The following ILRUN variants were observed in gnomAD, a reference collection of about 807,000 sequenced individuals.
ILRUN encodes inflammation and lipid regulator with UBA-like and NBR1-like domains.
ILRUN carries 3 observed loss-of-function variants against 33.8 expected under a neutral mutation model. That is an observed-to-expected ratio of 0.09 (90% CI 0.04 to 0.23). ILRUN has a LOEUF of 0.23. Ranked by LOEUF, ILRUN falls within the 10% of genes least tolerant of loss-of-function variation. The pLI is 1.00. For synonymous variants in ILRUN, 124 were observed against 138.9 expected, an observed-to-expected ratio of 0.89 and a Z score of 0.75; for missense variants, 210 against 375.1, an observed-to-expected ratio of 0.56 and a Z score of 3.64.
chr6:34,629,436 G>A (rs1468556899), intron 3 of ILRUN, among the ~76,000 whole-genome samples: 5 of 152,238 alleles, frequency 3.3e-5, no homozygotes, highest in African/African-American at 1.2e-4. Flanking sequence ...CCAAAGTGCT[G>A]GGATTATAGG....
chr6:34,607,760 T>C (rs932635097), intron 3 of ILRUN, among the ~76,000 whole-genome samples: 2 of 152,312 alleles, frequency 1.3e-5, no homozygotes, highest in South Asian at 2.1e-4. Flanking sequence ...TATTGAATAC[T>C]GTAGGCAACT....
At position 34,615,150 on chromosome 6, in the gene ILRUN, A is replaced by T. The variant is rs551044041; in HGVS notation, c.512-8246T>A. 7.9e-4 allele frequency among the ~76,000 whole-genome samples: 120 copies of T among 152,372 alleles called. No homozygotes were observed. The Middle Eastern group carries it at 0.01, about 13-fold the overall frequency. ...CAATGTTGATGTCTTTAACAAGTGT[A>T]CTATGATAATGTAAGGTGATAACAA... On this transcript the variant is annotated intron_variant, in intron 3 of 4. Transcript: ENST00000374023.
chr6:34,593,788 C>A (rs991729032), intron 4 of ILRUN, among the ~76,000 whole-genome samples: 1 of 152,120 alleles, frequency 6.6e-6, no homozygotes, highest in African/African-American at 2.4e-5. Context: ...AGCTATTTTA[C>A]GATCTAGACT....
chr6:34,628,731 T>C (rs993083921), intron 3 of ILRUN, among the ~76,000 whole-genome samples: 6 of 152,140 alleles, frequency 3.9e-5, no homozygotes, highest in African/African-American at 1.4e-4. Flanking sequence ...TCCTGTAATC[T>C]TTGTCTGGTT....
intron 3 of ILRUN, 57 bp from the exon 4 acceptor site, chr6:34,606,961 A>G: frequency 7.6e-7 from 1 of 1,324,204 alleles, no homozygotes; most frequent in Non-Finnish European, 1.0e-6. Context: ...GGCCCAAGAT[A>G]GCCACCACCA....
intron 2 of ILRUN, among the ~76,000 whole-genome samples, chr6:34,648,916 G>C (rs1413701278): frequency 2.0e-5 from 3 of 152,178 alleles, no homozygotes; most frequent in Non-Finnish European, 4.4e-5. Flanking sequence ...AAAAGACTTA[G>C]CTCTCCTAGG....
intron 3 of ILRUN, among the ~76,000 whole-genome samples, chr6:34,630,299 G>A (rs987239498): frequency 3.9e-5 from 6 of 152,216 alleles, no homozygotes; most frequent in African/African-American, 1.4e-4. Context: ...TTCAGACTGT[G>A]TTTGACTATG....
intron 1 of ILRUN, among the ~76,000 whole-genome samples, chr6:34,659,247 A>G (rs1762839738): frequency 6.6e-6 from 1 of 152,232 alleles, no homozygotes; most frequent in Non-Finnish European, 1.5e-5. Context: ...TCAACTGCAC[A>G]GACAATGAAG....
chr6:34,651,014 C>T (rs1231896685), intron 2 of ILRUN, among the ~76,000 whole-genome samples: 1 of 152,158 alleles, frequency 6.6e-6, no homozygotes, highest in Non-Finnish European at 1.5e-5. Context: ...CATGTTACTA[C>T]TCTATTTACA....
intron 1 of ILRUN, among the ~76,000 whole-genome samples, chr6:34,665,727 C>T (rs1762981520): frequency 6.6e-6 from 1 of 152,014 alleles, no homozygotes; most frequent in African/African-American, 2.4e-5. Flanking sequence ...CCACGCCCAG[C>T]CTTCATTTAT....
At chr6:34,593,251 A>G (rs890575261) in intron 4 of ILRUN, among the ~76,000 whole-genome samples, 1 of 152,174 alleles carries the variant, frequency 6.6e-6, no homozygotes, top group African/African-American at 2.4e-5. Context: ...GAAAACTCAA[A>G]AAACAAACAG....
chr6:34,644,711 T>G (rs529429099), intron 3 of ILRUN, among the ~76,000 whole-genome samples: 13 of 152,056 alleles, frequency 8.5e-5, no homozygotes, highest in African/African-American at 3.1e-4. Context: ...AGCATGTGCA[T>G]GATATTAATG....
chr6:34,639,131 T>C (rs1219050318), intron 3 of ILRUN, among the ~76,000 whole-genome samples: 1 of 152,326 alleles, frequency 6.6e-6, no homozygotes, highest in South Asian at 2.1e-4. Flanking sequence ...GTAGTTTACA[T>C]AGAGCACCCA....
chr6:34,675,520 T>C (rs1418587433), intron 1 of ILRUN, among the ~76,000 whole-genome samples: 1 of 152,022 alleles, frequency 6.6e-6, no homozygotes. Flanking sequence ...CAGAAGTGAA[T>C]TTTATATAAC....
chr6:34,650,877 T>C (rs1413950385), intron 2 of ILRUN, among the ~76,000 whole-genome samples: 4 of 152,150 alleles, frequency 2.6e-5, no homozygotes, highest in Admixed American at 1.3e-4. Flanking sequence ...GCCTAAAACA[T>C]GACAAGACAG....
Position 34,658,490 on chromosome 6 carries a change from C to CTTTT in ILRUN, c.159-3715_159-3712dup, listed in dbSNP as rs71538252. Among the ~76,000 whole-genome samples, 173 of 130,866 alleles carry CTTTT rather than the reference C, an allele frequency of 1.3e-3. 4 individuals are homozygous for CTTTT. The highest frequency in any genetic ancestry group is 1.3e-3 in the Admixed American group (17 of 12,834). 85.9% of individuals were successfully genotyped at this position (130,866 alleles called of 152,430 possible). On this transcript the variant is annotated intron_variant, in intron 1 of 4. Transcript: ENST00000374023. ...CCACAATGAAATAATTTTTCTTTTT[C>CTTTT]TTTTTTTTTTTTTTTTTTAAGAGTA...
intron 3 of ILRUN, among the ~76,000 whole-genome samples, chr6:34,632,861 A>G (rs1762276497): frequency 6.6e-6 from 1 of 152,164 alleles, no homozygotes; most frequent in Non-Finnish European, 1.5e-5. Flanking sequence ...ATCACAAGTA[A>G]CCAATAAGTT....
rs369138720 is a variant in ILRUN, at chr6:34,587,817, A to C, written c.*2748T>G. On this transcript the variant is annotated 3_prime_UTR_variant, in exon 5 of 5. Coordinates refer to ENST00000374023, the MANE Select transcript of ILRUN (RefSeq NM_024294.4). ...ACATCCATCCACACACACACACCTCACTCCATGCACACTGACAGATTCTTC... is the reference window on the plus strand; with the variant it reads ...ACATCCATCCACACACACACACCTCCCTCCATGCACACTGACAGATTCTTC... 10 of 380,694 alleles carry C rather than the reference A, an allele frequency of 2.6e-5. No homozygotes were observed. Among genetic ancestry groups the C allele is most frequent in the South Asian group, 2.9e-4 (2 of 6,844 alleles). 23.6% of individuals were successfully genotyped at this position (380,694 alleles called of 1,614,324 possible). A position where few individuals can be genotyped will look rare whatever the true frequency, so the allele number is the denominator to read the frequency against.
chr6:34,656,099 G>A (rs1205474206), intron 1 of ILRUN, among the ~76,000 whole-genome samples: 3 of 151,904 alleles, frequency 2.0e-5, no homozygotes, highest in Non-Finnish European at 4.4e-5. Context: ...AGCCAGGCAC[G>A]GTGGCGGGCA....
Sources: allele counts gnomAD v4.1 joint callset (sites outside exome capture counted in the v4.1 genomes callset), GRCh38; gene constraint gnomAD v4.1.1; transcripts MANE v1.5; gene names NCBI Gene and HGNC (gene_info 2026-07-23, HGNC 2026-07-21).